The following PGLYRP4 variants were observed in gnomAD, a reference collection of about 807,000 sequenced individuals.
PGLYRP4 encodes PGRP-I-beta.
Under a neutral mutation model 41.2 loss-of-function variants are expected in PGLYRP4, and 39 were observed. The ratio of observed to expected loss-of-function variants is 0.95; its 90% CI spans 0.73 to 1.24. The LOEUF (loss-of-function observed/expected upper bound fraction) is 1.24, where lower values mean the gene tolerates loss of function less well. Among genes scored for constraint, PGLYRP4 ranks in the 50% most tolerant of loss-of-function variants. The pLI is 0.00. For synonymous variants in PGLYRP4, 202 were observed against 186.8 expected (o/e 1.08, Z -0.66); for missense variants, 467 against 460.7 (o/e 1.01, Z -0.13).
At chr1:153,347,806 G>T (rs951809128) in intron 2 of PGLYRP4, 78 bp downstream of exon 2, 22 of 1,055,298 alleles carry the variant, frequency 2.1e-5, no homozygotes, top group Non-Finnish European at 3.2e-5. Flanking sequence ...ATGGACAGTA[G>T]GTATTTTTTA....
chr1:153,343,292 G>A, intron 4 of PGLYRP4, 84 bp from the exon 5 acceptor site: 2 of 867,882 alleles, frequency 2.3e-6, no homozygotes, highest in Non-Finnish European at 3.8e-6. Flanking sequence ...GCCTCAAAAT[G>A]GAGAAGGACT....
intron 3 of PGLYRP4, among the ~76,000 whole-genome samples, chr1:153,345,763 T>C (rs1383923700): frequency 1.3e-5 from 2 of 152,186 alleles, no homozygotes. Context: ...GTTCTGAGTG[T>C]TCCCTGAGGG....
chr1:153,345,298 G>T lies in PGLYRP4; in HGVS notation c.224C>A (p.Pro75Gln). ...ATGGTGTATAACAAGGACATTCACT[G>T]GCGTGGTCAGCTGAATACTGCAGCC... ...AVGCSIQLTTPVNVLVIHHVP... is the reference protein window; with the variant it reads ...AVGCSIQLTTQVNVLVIHHVP... The change falls in exon 4 of 9, where the codon CCA becomes CAA. Residue 75 changes from proline to glutamine, a missense_variant. By Grantham distance (76) the Pro-to-Gln change is moderately conservative (BLOSUM62 -1). Transcript: ENST00000359650. 6.2e-7 allele frequency: 1 copy of T among 1,614,154 alleles called. No individual in the cohort carries two copies. Among genetic ancestry groups the T allele is most frequent in the Non-Finnish European group, 8.5e-7 (1 of 1,179,998 alleles).
intron 8 of PGLYRP4, among the ~76,000 whole-genome samples, chr1:153,336,045 C>CGTGT (rs57345412): frequency 4.7e-4 from 70 of 150,362 alleles, no homozygotes; most frequent in East Asian, 2.2e-3. Flanking sequence ...AGGGTGCGTG[C>CGTGT]GTGTGTGTGT....
chr1:153,339,471 G>T (rs1026279616), intron 7 of PGLYRP4, among the ~76,000 whole-genome samples: 8 of 152,158 alleles, frequency 5.3e-5, no homozygotes, highest in Non-Finnish European at 7.3e-5. Context: ...GCCATAAATG[G>T]CCCTAGAGTT....
In PGLYRP4 at chr1:153,330,563, G is replaced by C; in HGVS notation, c.*204C>G. The C allele has an allele frequency of 2.3e-6, 1 of 427,450 alleles. No homozygotes were observed. Among genetic ancestry groups the C allele is most frequent in the South Asian group, 4.9e-5 (1 of 20,370 alleles). 26.5% of individuals were successfully genotyped at this position (427,450 alleles called of 1,614,324 possible). A position where few individuals can be genotyped will look rare whatever the true frequency, so the allele number is the denominator to read the frequency against. ...GAAGAAATCTGGACTCAGACTCAGAGGGCTGTGAATGTCCAGCTATGAGGT... is the reference window on the plus strand; with the variant it reads ...GAAGAAATCTGGACTCAGACTCAGACGGCTGTGAATGTCCAGCTATGAGGT... On this transcript the variant is annotated 3_prime_UTR_variant, in exon 9 of 9. Coordinates refer to ENST00000359650, the MANE Select transcript of PGLYRP4 (RefSeq NM_020393.4).
At chr1:153,332,897 T>C (rs1660395099) in intron 8 of PGLYRP4, among the ~76,000 whole-genome samples, 1 of 152,136 alleles carries the variant, frequency 6.6e-6, no homozygotes. Flanking sequence ...TAAGATGGAA[T>C]GTTACAGCAT....
chr1:153,341,739 G>A lies in PGLYRP4; in HGVS notation c.513C>T (p.Asn171=). The A allele has an allele frequency of 6.2e-6, 10 of 1,614,024 alleles. No individual in the cohort carries two copies. The highest frequency in any genetic ancestry group is 8.5e-6 in the Non-Finnish European group (10 of 1,180,022). ...PSPAALSAME[N]LITYAVQKGH... ...CCTTCTGGACAGCATAGGTGATTAG[G>A]TTTTCCATGGCCGACAGGGCAGCAG... The change falls in exon 6 of 9, where the codon AAC becomes AAT. Residue 171 remains asparagine (N), a synonymous_variant. Coordinates refer to ENST00000359650, the MANE Select transcript of PGLYRP4 (RefSeq NM_020393.4).
In PGLYRP4 at chr1:153,330,877, A is replaced by G. The variant is rs1571121066; in HGVS notation, c.1012T>C (p.Tyr338His). The G allele has an allele frequency of 2.5e-6, 4 of 1,613,844 alleles. No homozygotes were observed. Among genetic ancestry groups the G allele is most frequent in the Non-Finnish European group, 3.4e-6 (4 of 1,179,932 alleles). The change falls in exon 9 of 9, where the codon TAC becomes CAC. Residue 338 changes from tyrosine to histidine, a missense_variant. Tyr to His is a moderately conservative substitution (Grantham distance 83). Coordinates refer to ENST00000359650, the MANE Select transcript of PGLYRP4 (RefSeq NM_020393.4). ...DLIQCAMVKGYLTPNYLLVGH... is the reference protein window; with the variant it reads ...DLIQCAMVKGHLTPNYLLVGH... The stretch of plus-strand genomic sequence containing the variant: ...ACCAGCAGGTAGTTGGGAGTCAGGT[A>G]CCCTTTGACCATGGCACACTGGATC...
chr1:153,330,800 G>T lies in PGLYRP4; in HGVS notation c.1089C>A (p.Asn363Lys). 6.2e-7 allele frequency: 1 copy of T among 1,614,046 alleles called. No homozygotes were observed. Among genetic ancestry groups the T allele is most frequent in the Non-Finnish European group, 8.5e-7 (1 of 1,179,944 alleles). The change falls in exon 9 of 9, where the codon AAC (asparagine) becomes AAA (lysine). Residue 363 changes from asparagine (N) to lysine (K), a missense_variant. Physicochemically the swap from Asn to Lys is moderately conservative, Grantham distance 94. Transcript: ENST00000359650. Reference protein sequence around the residue: ...RTLSPGQALYNIISTWPHFKH With the variant: ...RTLSPGQALYKIISTWPHFKH ...TGAAATGAGGCCAGGTGCTGATGAT[G>T]TTGTACAAAGCCTGCCCAGGAGACA...
At chr1:153,346,271 C>G in intron 2 of PGLYRP4, 80 bp from the exon 3 acceptor site, 1 of 1,031,118 alleles carries the variant, frequency 9.7e-7, no homozygotes, top group South Asian at 1.3e-5. Flanking sequence ...ACAGAAACAG[C>G]CATCCCCTCT....
intron 4 of PGLYRP4, among the ~76,000 whole-genome samples, chr1:153,343,673 G>A (rs956702637): frequency 9.2e-5 from 14 of 152,184 alleles, no homozygotes; most frequent in Admixed American, 3.3e-4. Flanking sequence ...AGACAGGGAC[G>A]AGGATGCAGG....
intron 7 of PGLYRP4, among the ~76,000 whole-genome samples, chr1:153,338,585 G>A (rs1413633463): frequency 6.6e-6 from 1 of 152,168 alleles, no homozygotes; most frequent in South Asian, 2.1e-4. Context: ...TGCCTCCCCA[G>A]CATCAGCTCT....
chr1:153,340,313 C>G, intron 7 of PGLYRP4, 68 bp downstream of exon 7: 1 of 1,403,526 alleles, frequency 7.1e-7, no homozygotes, highest in Non-Finnish European at 1.0e-6. Context: ...TTCCCTTTCC[C>G]CTTCCTTTCA....
intron 2 of PGLYRP4, among the ~76,000 whole-genome samples, chr1:153,347,286 G>C (rs888493797): frequency 6.6e-6 from 1 of 150,822 alleles, no homozygotes; most frequent in Non-Finnish European, 1.5e-5. Flanking sequence ...TTATCTGCAT[G>C]CCTCGGCTTC....
Position 153,330,503 on chromosome 1 carries a change from G to T in PGLYRP4, c.*264C>A, listed in dbSNP as rs910652584. On this transcript the variant is annotated 3_prime_UTR_variant, in exon 9 of 9. Transcript: ENST00000359650. ...CAGCCCATTGTCTCACCTGGCTGAGGAGTTGGGTTTCCAAGGGAGAGGAAG... is the reference window on the plus strand; with the variant it reads ...CAGCCCATTGTCTCACCTGGCTGAGTAGTTGGGTTTCCAAGGGAGAGGAAG... 10 of 271,762 alleles carry T rather than the reference G, an allele frequency of 3.7e-5. No homozygotes were observed. Among genetic ancestry groups the T allele is most frequent in the African/African-American group, 2.1e-4 (10 of 46,938 alleles). 16.8% of individuals were successfully genotyped at this position (271,762 alleles called of 1,614,324 possible).
intron 8 of PGLYRP4, among the ~76,000 whole-genome samples, chr1:153,336,487 T>C (rs923867867): frequency 2.8e-5 from 4 of 141,010 alleles, no homozygotes; most frequent in South Asian, 2.2e-4. Context: ...AAACAGAAAA[T>C]GAAAAACTAC....
Position 153,330,922 on chromosome 1 carries a change from G to C in PGLYRP4, c.967C>G (p.Leu323Val). ...TGGATCAGGTCTTGGGCTGCCTCTA[G>C]TGCTGCAGCATTGGGTGGTATACCT... ...FTGIPPNAAA[L>V]EAAQDLIQCA... The change falls in exon 9 of 9, where the codon CTA becomes GTA. Residue 323 changes from leucine (L) to valine (V), a missense_variant. Leu to Val is a conservative substitution (Grantham distance 32). Transcript: ENST00000359650. The C allele has an allele frequency of 2.5e-6, 4 of 1,613,806 alleles. No homozygotes were observed. Among genetic ancestry groups the C allele is most frequent in the Non-Finnish European group, 3.4e-6 (4 of 1,179,824 alleles).
intron 1 of PGLYRP4, 71 bp from the exon 2 acceptor site, chr1:153,348,049 G>GA: frequency 1.2e-6 from 1 of 823,334 alleles, no homozygotes; most frequent in Non-Finnish European, 2.0e-6. Context: ...CCTGACTGCA[G>GA]TGGGTGCCAT....
Sources: allele counts gnomAD v4.1 joint callset (sites outside exome capture counted in the v4.1 genomes callset), GRCh38; gene constraint gnomAD v4.1.1; transcripts MANE v1.5; gene names NCBI Gene and HGNC (gene_info 2026-07-23, HGNC 2026-07-21).